Variants in OLA1 observed in about 807,000 individuals in gnomAD.
The protein encoded by OLA1 is obg-like ATPase 1.
OLA1 carries 14 observed loss-of-function variants against 48.4 expected under a neutral mutation model. The observed-to-expected ratio is 0.29, with a 90% CI of 0.19 to 0.45. OLA1 has a LOEUF of 0.45. Among genes scored for constraint, OLA1 ranks in the 20% least tolerant of loss-of-function variants. The pLI, the probability that OLA1 is intolerant of heterozygous loss-of-function variation, is 1.00. For synonymous variants in OLA1, 127 were observed against 150.4 expected (o/e 0.84, Z 1.14); for missense variants, 325 against 467.1 (o/e 0.70, Z 2.80).
chr2:174,076,639 T>C (rs1022753357), intron 10 of OLA1, among the ~76,000 whole-genome samples: 7 of 152,122 alleles, frequency 4.6e-5, no homozygotes, highest in African/African-American at 1.4e-4. Context: ...TTCAATTATC[T>C]AGACCACATA....
chr2:174,210,295 G>A (rs1169371911), intron 4 of OLA1, among the ~76,000 whole-genome samples: 1 of 152,038 alleles, frequency 6.6e-6, no homozygotes, highest in East Asian at 1.9e-4. Flanking sequence ...TTAAAAACAA[G>A]GAAAAGCAGT....
chr2:174,129,336 T>A (rs1183045693), intron 5 of OLA1, among the ~76,000 whole-genome samples: 2 of 151,878 alleles, frequency 1.3e-5, no homozygotes, highest in African/African-American at 4.8e-5. Context: ...CAGGTGCCTG[T>A]AGTCCCAGCT....
chr2:174,166,627 G>T (rs568664080), intron 4 of OLA1, among the ~76,000 whole-genome samples: 1 of 152,240 alleles, frequency 6.6e-6, no homozygotes, highest in East Asian at 1.9e-4. Context: ...GTGCAATAGT[G>T]CTTTTTGTCA....
At chr2:174,215,543 C>T (rs1462386690) in intron 4 of OLA1, among the ~76,000 whole-genome samples, 1 of 151,520 alleles carries the variant, frequency 6.6e-6, no homozygotes, top group African/African-American at 2.4e-5. Flanking sequence ...AACATGTAGC[C>T]TAGAAATATG....
At chr2:174,103,704 T>C (rs938257051) in intron 7 of OLA1, among the ~76,000 whole-genome samples, 3 of 152,156 alleles carry the variant, frequency 2.0e-5, no homozygotes, top group East Asian at 1.9e-4. Flanking sequence ...GTGCCAAGCA[T>C]TGGAAATACA....
chr2:174,123,097 C>A, intron 7 of OLA1, 83 bp downstream of exon 7: 1 of 632,502 alleles, frequency 1.6e-6, no homozygotes, highest in Non-Finnish European at 2.8e-6. Context: ...TTAAACATTG[C>A]CGTTAAGTAC....
chr2:174,077,798 T>C (rs147114068), intron 10 of OLA1, among the ~76,000 whole-genome samples: 111 of 152,074 alleles, frequency 7.3e-4, no homozygotes, highest in African/African-American at 2.5e-3. Context: ...ATAGAAAACA[T>C]CCTCATTTTT....
At chr2:174,137,860 G>A (rs1686350272) in intron 5 of OLA1, among the ~76,000 whole-genome samples, 1 of 152,102 alleles carries the variant, frequency 6.6e-6, no homozygotes, top group Admixed American at 6.5e-5. Flanking sequence ...TATCAAGAAC[G>A]CTAAAACTTT....
intron 4 of OLA1, among the ~76,000 whole-genome samples, chr2:174,197,435 T>C (rs199750218): frequency 6.6e-6 from 1 of 151,038 alleles, no homozygotes; most frequent in Non-Finnish European, 1.5e-5. Context: ...GTTTGTTGTT[T>C]TTTTTTTTTA....
At chr2:174,193,733 CTCTT>C (rs1359079360) in intron 4 of OLA1, among the ~76,000 whole-genome samples, 1 of 152,150 alleles carries the variant, frequency 6.6e-6, no homozygotes, top group Non-Finnish European at 1.5e-5. Flanking sequence ...GTGAGTTCAG[CTCTT>C]TCTTTTACAC....
At chr2:174,236,163 G>A (rs1688843019) in intron 2 of OLA1, among the ~76,000 whole-genome samples, 2 of 151,632 alleles carry the variant, frequency 1.3e-5, no homozygotes, top group Admixed American at 6.6e-5. Flanking sequence ...TATAAGACAT[G>A]CAAAAAAGCA....
intron 4 of OLA1, among the ~76,000 whole-genome samples, chr2:174,152,969 T>C (rs1686781581): frequency 6.6e-6 from 1 of 152,172 alleles, no homozygotes; most frequent in Non-Finnish European, 1.5e-5. Context: ...CCCTCTCCTC[T>C]TCCTTCCTCC....
intron 4 of OLA1, among the ~76,000 whole-genome samples, chr2:174,173,897 G>A (rs889673295): frequency 2.0e-5 from 3 of 151,766 alleles, no homozygotes; most frequent in African/African-American, 7.2e-5. Flanking sequence ...CTTAAATGAA[G>A]TAATCAAAAT....
chr2:174,139,579 T>A (rs995404831), intron 5 of OLA1, among the ~76,000 whole-genome samples: 21 of 152,166 alleles, frequency 1.4e-4, no homozygotes, highest in African/African-American at 5.1e-4. Flanking sequence ...ATAGAAGGTG[T>A]ATCTTGGCCG....
At chr2:174,242,981 C>T (rs574748170) in intron 2 of OLA1, among the ~76,000 whole-genome samples, 3 of 152,028 alleles carry the variant, frequency 2.0e-5, no homozygotes, top group East Asian at 1.9e-4. Flanking sequence ...AGCCACCACA[C>T]GGGGCAAGGA....
At chr2:174,237,087 C>T (rs900780073) in intron 2 of OLA1, among the ~76,000 whole-genome samples, 1 of 152,154 alleles carries the variant, frequency 6.6e-6, no homozygotes, top group African/African-American at 2.4e-5. Context: ...TGTAATAACA[C>T]TTAGCTTAAA....
At chr2:174,153,153 C>A (rs562063158) in intron 4 of OLA1, among the ~76,000 whole-genome samples, 2 of 152,252 alleles carry the variant, frequency 1.3e-5, no homozygotes, top group South Asian at 4.1e-4. Context: ...ATAAATGATT[C>A]CTACAGGACT....
chr2:174,145,193 TA>T (rs1430557645), intron 4 of OLA1, among the ~76,000 whole-genome samples: 1 of 151,690 alleles, frequency 6.6e-6, no homozygotes, highest in Non-Finnish European at 1.5e-5. Flanking sequence ...GATTGGGGAA[TA>T]TACTATTTTT....
chr2:174,180,738 A>G (rs948084768), intron 4 of OLA1, among the ~76,000 whole-genome samples: 35 of 152,340 alleles, frequency 2.3e-4, no homozygotes, highest in African/African-American at 7.9e-4. Context: ...AATACTGCAT[A>G]TATCATTTGG....
Sources: allele counts gnomAD v4.1 joint callset (sites outside exome capture counted in the v4.1 genomes callset), GRCh38; gene constraint gnomAD v4.1.1; transcripts MANE v1.5; gene names NCBI Gene and HGNC (gene_info 2026-07-23, HGNC 2026-07-21).